The following EXOSC9 variants were observed in gnomAD, a reference collection of about 807,000 sequenced individuals.
EXOSC9 encodes the protein exosome complex component RRP45.
EXOSC9 carries 38 observed loss-of-function variants against 56.5 expected under a neutral mutation model. The observed-to-expected ratio is 0.67, with a 90% CI of 0.52 to 0.88. The LOEUF (loss-of-function observed/expected upper bound fraction) is 0.88. Among genes scored for constraint, EXOSC9 ranks in the 40% least tolerant of loss-of-function variants. The pLI is 0.00. For missense variants in EXOSC9, 559 were observed against 530.5 expected, an observed-to-expected ratio of 1.05 and a Z score of -0.53; for synonymous variants, 170 against 170.8, an observed-to-expected ratio of 0.99 and a Z score of 0.04.
At chr4:121,807,171 TC>T (rs1727045346) in intron 5 of EXOSC9, among the ~76,000 whole-genome samples, 1 of 152,084 alleles carries the variant, frequency 6.6e-6, no homozygotes, top group South Asian at 2.1e-4. Flanking sequence ...ATGCCTGTAA[TC>T]CCACCTACTT....
At position 121,804,627 on chromosome 4, in the gene EXOSC9, G is replaced by T. The variant is rs775495786; in HGVS notation, c.390G>T (p.Trp130Cys). ...TATTTTAAATTCACTATCAGGTTTG[G>T]CAAATACGTGTAGACCTACATTTAT... is the stretch of plus-strand genomic sequence containing the variant. Reference protein sequence around the residue: ...SLCVVAGEKVWQIRVDLHLLN... With the variant: ...SLCVVAGEKVCQIRVDLHLLN... Residue 130 changes from tryptophan to cysteine, a missense_variant, in exon 5 of 12, where the codon TGG (tryptophan) becomes TGT (cysteine). Physicochemically the swap from Trp to Cys is radical, Grantham distance 215. Coordinates refer to ENST00000243498, the MANE Select transcript of EXOSC9 (RefSeq NM_005033.3). The T allele has an allele frequency of 2.3e-5, 37 of 1,575,572 alleles. No homozygotes were observed. In the South Asian group the frequency reaches 4.2e-4, roughly 18 times the overall value.
chr4:121,811,629 C>A lies in EXOSC9; in HGVS notation c.785C>A (p.Thr262Lys). The A allele has an allele frequency of 6.3e-7, 1 of 1,592,796 alleles. No individual in the cohort carries two copies. The highest frequency in any genetic ancestry group is 8.6e-7 in the Non-Finnish European group (1 of 1,169,564). Residue 262 changes from threonine (T) to lysine (K), a missense_variant, in exon 8 of 12, where the codon ACA becomes AAA. Physicochemically the swap from Thr to Lys is moderately conservative, Grantham distance 78. Transcript: ENST00000243498. ...KIAGVKVAEI[T>K]ELILKALEND... Reference sequence around the variant, plus strand: ...GCTGGTGTGAAAGTAGCAGAAATTACAGAGCTAATATTGAAAGCTTTGGAG... The same window carrying A: ...GCTGGTGTGAAAGTAGCAGAAATTAAAGAGCTAATATTGAAAGCTTTGGAG...
At chr4:121,804,539 T>C in intron 4 of EXOSC9, 83 bp from the exon 5 acceptor site, 2 of 857,648 alleles carry the variant, frequency 2.3e-6, no homozygotes, top group Non-Finnish European at 3.5e-6. Context: ...AAAAAATAAT[T>C]TGTACACAAT....
chr4:121,813,828 G>A lies in EXOSC9; in HGVS notation c.975-38G>A, dbSNP rs755609394. 5 of 1,411,196 alleles carry A rather than the reference G, an allele frequency of 3.5e-6. 1 individual carries two copies. In the African/African-American group the frequency reaches 5.7e-5, roughly 16 times the overall value. The allele number at this position is 1,411,196 out of a possible 1,614,324, so 87.4% of individuals were successfully genotyped here. ...CTCATCTTCAACAGTTCATCAAATA[G>A]CAATATTTTTGTTACTCAGTTTTCT... On this transcript the variant is annotated intron_variant, in intron 9 of 11. Transcript: ENST00000243498.
chr4:121,808,595 C>T (rs1727114579), intron 6 of EXOSC9, among the ~76,000 whole-genome samples: 1 of 151,882 alleles, frequency 6.6e-6, no homozygotes, highest in Admixed American at 6.6e-5. Context: ...CTCCTGAGTT[C>T]AAAAGTGATC....
In EXOSC9 at chr4:121,801,335, C is replaced by A. The variant is rs751946584; in HGVS notation, c.-90C>A. The A allele has an allele frequency of 3.1e-6, 4 of 1,279,060 alleles. No individual in the cohort carries two copies. The highest frequency in any genetic ancestry group is 2.3e-5 in the East Asian group (1 of 43,348). The allele number at this position is 1,279,060 out of a possible 1,614,324, so 79.2% of individuals were successfully genotyped here. ...GCGCCTTGATGACGTAATTTTCCTG[C>A]GCCTCGGGGCGAGCAGCGGCGCGCA... On this transcript the variant is annotated 5_prime_UTR_variant, in exon 1 of 12. Coordinates refer to ENST00000243498, the MANE Select transcript of EXOSC9 (RefSeq NM_005033.3).
At position 121,804,874 on chromosome 4, in the gene EXOSC9, A is replaced by G. The variant is rs72680748; in HGVS notation, c.522+115A>G. On this transcript the variant is annotated intron_variant, in intron 5 of 11. Transcript: ENST00000243498. Reference sequence around the variant, plus strand: ...TGTAGATGGCAATTGGGTCGTTTCTAAAAATTTGTTTGTAAGACTGAAACT... The same window carrying G: ...TGTAGATGGCAATTGGGTCGTTTCTGAAAATTTGTTTGTAAGACTGAAACT... 37,753 of 840,114 alleles carry G rather than the reference A, an allele frequency of 0.045. 1,004 individuals carry two copies. Among genetic ancestry groups the G allele is most frequent in the Non-Finnish European group, 0.054 (31,464 of 578,448 alleles). The allele number at this position is 840,114 out of a possible 1,614,324, so 52.0% of individuals were successfully genotyped here.
intron 2 of EXOSC9, 137 bp from the exon 3 acceptor site, chr4:121,802,537 A>G: frequency 1.3e-6 from 1 of 750,082 alleles, no homozygotes; most frequent in Non-Finnish European, 2.1e-6. Context: ...TACTTTACAT[A>G]TAATTTTTAT....
chr4:121,802,526 A>G (rs1726897633), intron 2 of EXOSC9, 148 bp from the exon 3 acceptor site: 4 of 684,790 alleles, frequency 5.8e-6, no homozygotes, highest in South Asian at 4.2e-5. Context: ...TGTGTATATT[A>G]TACTTTACAT....
chr4:121,801,562 C>T (rs1726864855), intron 1 of EXOSC9, 72 bp downstream of exon 1: 13 of 1,392,972 alleles, frequency 9.3e-6, no homozygotes, highest in Non-Finnish European at 1.2e-5. Context: ...TGATACCTGG[C>T]CCGCCTGGGC....
rs1724378510 is a variant in EXOSC9, at chr4:121,814,045, AAGGT to A, written c.1156+3_1156+6del. 6.3e-7 allele frequency: 1 copy of A among 1,596,232 alleles called. No individual in the cohort carries two copies. The highest frequency in any genetic ancestry group is 1.4e-5 in the African/African-American group (1 of 69,258). On this transcript the variant is annotated splice_donor_variant and coding_sequence_variant, in exon 10 of 12. Coordinates refer to ENST00000243498, the MANE Select transcript of EXOSC9 (RefSeq NM_005033.3). LOFTEE classifies it high-confidence loss of function. The stretch of plus-strand genomic sequence containing the variant: ...GTAGAAGTCTCTGATATTGGAAGCC[AAGGT>A]AGGTGACACTTTATGGCACACTTAC...
intron 10 of EXOSC9, chr4:121,815,424 C>G: frequency 4.1e-6 from 4 of 984,874 alleles, no homozygotes; most frequent in Non-Finnish European, 4.8e-6. Context: ...AAAAATGGAG[C>G]AGGTACAGCC....
intron 2 of EXOSC9, 48 bp downstream of exon 2, chr4:121,801,969 A>AAC (rs1726882525): frequency 7.7e-7 from 1 of 1,291,046 alleles, no homozygotes; most frequent in African/African-American, 1.5e-5. Context: ...GAAGTTTGAA[A>AAC]AAAGACCTTA....
chr4:121,807,934 T>A, intron 6 of EXOSC9: 1 of 307,212 alleles, frequency 3.3e-6, no homozygotes, highest in South Asian at 6.1e-5. Context: ...GAGAATTATA[T>A]GCTAGGCTCT....
intron 8 of EXOSC9, 67 bp from the exon 9 acceptor site, chr4:121,813,167 C>A: frequency 7.0e-7 from 1 of 1,422,696 alleles, no homozygotes; most frequent in South Asian, 1.4e-5. Flanking sequence ...TTTTTCCCTT[C>A]CTGTCTTCTA....
chr4:121,812,214 A>C (rs12505401), intron 8 of EXOSC9, among the ~76,000 whole-genome samples: 1 of 152,208 alleles, frequency 6.6e-6, no homozygotes, highest in Non-Finnish European at 1.5e-5. Context: ...TAAAACAATA[A>C]AGAGGAAAGA....
At chr4:121,802,645 G>A (rs1278051494) in intron 2 of EXOSC9, 29 bp from the exon 3 acceptor site, 1 of 1,609,020 alleles carries the variant, frequency 6.2e-7, no homozygotes, top group Non-Finnish European at 8.5e-7. Flanking sequence ...AGTCTATTTG[G>A]TTAATACTTT....
In EXOSC9 at chr4:121,801,362, G is replaced by A; in HGVS notation, c.-63G>A. On this transcript the variant is annotated 5_prime_UTR_variant, in exon 1 of 12. Transcript: ENST00000243498. Reference sequence around the variant, plus strand: ...CCTCGGGGCGAGCAGCGGCGCGCAAGGAAAGATCGGGTTCCGTTTTTCCCG... The same window carrying A: ...CCTCGGGGCGAGCAGCGGCGCGCAAAGAAAGATCGGGTTCCGTTTTTCCCG... The A allele has an allele frequency of 2.0e-6, 3 of 1,496,684 alleles. No homozygotes were observed. The highest frequency in any genetic ancestry group is 2.3e-5 in the East Asian group (1 of 44,326). The allele number at this position is 1,496,684 out of a possible 1,614,324, so 92.7% of individuals were successfully genotyped here.
chr4:121,811,365 T>C (rs1034413565), intron 7 of EXOSC9, among the ~76,000 whole-genome samples: 1 of 152,250 alleles, frequency 6.6e-6, no homozygotes, highest in Non-Finnish European at 1.5e-5. Flanking sequence ...TATACTGTTG[T>C]ATAAGAAAGT....
Sources: allele counts gnomAD v4.1 joint callset (sites outside exome capture counted in the v4.1 genomes callset), GRCh38; gene constraint gnomAD v4.1.1; transcripts MANE v1.5; gene names NCBI Gene and HGNC (gene_info 2026-07-23, HGNC 2026-07-21).